POU2F3: variants seen among roughly 807,000 people sequenced by gnomAD.
POU2F3 encodes POU domain, class 2, transcription factor 3.
POU2F3 carries 23 observed loss-of-function variants against 59.2 expected under a neutral mutation model. That is an observed-to-expected ratio of 0.39 (90% CI 0.28 to 0.55). POU2F3 has a LOEUF of 0.55. Ranked by LOEUF, POU2F3 falls within the 20% of genes least tolerant of loss-of-function variation. The pLI, the probability that POU2F3 is intolerant of heterozygous loss-of-function variation, is 0.66. For missense variants in POU2F3, 473 were observed against 544.5 expected, an observed-to-expected ratio of 0.87 and a Z score of 1.31; for synonymous variants, 190 against 214.6, an observed-to-expected ratio of 0.89 and a Z score of 1.00.
intron 2 of POU2F3, among the ~76,000 whole-genome samples, chr11:120,255,308 G>A (rs79988761): frequency 0.081 from 12,383 of 152,170 alleles, 691 homozygotes; most frequent in South Asian, 0.19. Context: ...CCAGTAGGGG[G>A]CTTGCCTTCC....
At chr11:120,296,360 G>A (rs534841192) in intron 3 of POU2F3, among the ~76,000 whole-genome samples, 1 of 152,260 alleles carries the variant, frequency 6.6e-6, no homozygotes, top group South Asian at 2.1e-4. Context: ...ATGTTAGTAG[G>A]ATCTTCCTAA....
intron 2 of POU2F3, among the ~76,000 whole-genome samples, chr11:120,255,450 A>G (rs1430106182): frequency 6.6e-6 from 1 of 152,062 alleles, no homozygotes; most frequent in African/African-American, 2.4e-5. Flanking sequence ...TAGGGCGATG[A>G]TTTCCATACT....
intron 3 of POU2F3, among the ~76,000 whole-genome samples, chr11:120,288,148 A>AAC (rs1555076871): frequency 6.8e-6 from 1 of 146,368 alleles, no homozygotes; most frequent in Non-Finnish European, 1.5e-5. Flanking sequence ...AAAAAAAAAA[A>AAC]CAAGAAAAAA....
intron 3 of POU2F3, among the ~76,000 whole-genome samples, chr11:120,274,687 C>G (rs1478110517): frequency 1.3e-5 from 2 of 152,078 alleles, no homozygotes; most frequent in Non-Finnish European, 2.9e-5. Context: ...ACAGGCAGGA[C>G]TGAAGATGCA....
chr11:120,306,330 G>C (rs192770505), intron 8 of POU2F3, among the ~76,000 whole-genome samples: 104 of 152,280 alleles, frequency 6.8e-4, no homozygotes, highest in African/African-American at 2.3e-3. Context: ...GTGAGGGGTG[G>C]TGGCCGGGAG....
chr11:120,276,188 T>C (rs1940314006), intron 3 of POU2F3, among the ~76,000 whole-genome samples: 1 of 152,130 alleles, frequency 6.6e-6, no homozygotes. Context: ...CCACTGAGCC[T>C]GAGAGAGCAA....
chr11:120,296,846 G>A (rs1358874094), intron 3 of POU2F3, among the ~76,000 whole-genome samples: 1 of 152,156 alleles, frequency 6.6e-6, no homozygotes, highest in Non-Finnish European at 1.5e-5. Flanking sequence ...ATAGTGTTGC[G>A]ATGAACATAA....
intron 10 of POU2F3, among the ~76,000 whole-genome samples, chr11:120,313,385 G>A (rs530901969): frequency 6.6e-6 from 1 of 152,352 alleles, no homozygotes; most frequent in Non-Finnish European, 1.5e-5. Context: ...CCCTCATGAA[G>A]TCTACAGCCT....
chr11:120,271,246 C>G (rs990630657), intron 3 of POU2F3, among the ~76,000 whole-genome samples: 1 of 152,192 alleles, frequency 6.6e-6, no homozygotes, highest in African/African-American at 2.4e-5. Context: ...GGAAGGACTT[C>G]CAGCCAATGC....
intron 2 of POU2F3, among the ~76,000 whole-genome samples, chr11:120,267,859 G>A (rs1308286832): frequency 5.8e-5 from 5 of 86,526 alleles, no homozygotes; most frequent in Non-Finnish European, 1.0e-4. Flanking sequence ...TGGGCTCTGA[G>A]GGTACCGTAT....
At chr11:120,306,515 C>G (rs1170555088) in intron 8 of POU2F3, among the ~76,000 whole-genome samples, 1 of 152,172 alleles carries the variant, frequency 6.6e-6, no homozygotes, top group East Asian at 1.9e-4. Flanking sequence ...TGGTCCCTAC[C>G]TACTAGTTGC....
chr11:120,304,970 AAT>A, intron 6 of POU2F3, 58 bp from the exon 7 acceptor site: 532 of 1,136,978 alleles, frequency 4.7e-4, no homozygotes, highest in Non-Finnish European at 6.0e-4. Context: ...AAAAAAAAAA[AAT>A]CAGAAAATGT....
chr11:120,310,392 GA>G (rs201155650), intron 10 of POU2F3, among the ~76,000 whole-genome samples: 1 of 152,066 alleles, frequency 6.6e-6, no homozygotes. Context: ...CAAGTTTGAG[GA>G]AAAAAACTAA....
chr11:120,266,409 A>G (rs1256503704), intron 2 of POU2F3, among the ~76,000 whole-genome samples: 5 of 152,084 alleles, frequency 3.3e-5, no homozygotes, highest in African/African-American at 1.2e-4. Context: ...TTACCCCTGC[A>G]GGTGTAAAGG....
intron 3 of POU2F3, among the ~76,000 whole-genome samples, chr11:120,277,724 G>A (rs901481493): frequency 6.6e-6 from 1 of 152,204 alleles, no homozygotes; most frequent in Admixed American, 6.5e-5. Flanking sequence ...GGAGGTTGCA[G>A]TGAGCTGAGA....
intron 6 of POU2F3, chr11:120,302,670 C>A: frequency 3.0e-6 from 1 of 329,378 alleles, no homozygotes; most frequent in East Asian, 6.3e-5. Flanking sequence ...CCTCTGAGAG[C>A]CAGGCTCAGC....
chr11:120,288,127 C>CAAA (rs1491240764), intron 3 of POU2F3, among the ~76,000 whole-genome samples: 17 of 7,642 alleles, frequency 2.2e-3, no homozygotes, highest in African/African-American at 5.4e-3. Flanking sequence ...AACAAAAAAA[C>CAAA]CAAAAAAAAA....
At chr11:120,251,036 T>C (rs1399365561) in intron 2 of POU2F3, among the ~76,000 whole-genome samples, 4 of 151,882 alleles carry the variant, frequency 2.6e-5, no homozygotes, top group Non-Finnish European at 5.9e-5. Context: ...AGGGTGATCA[T>C]AGCTCCCCGC....
chr11:120,288,145 A>AAC (rs1555076910), intron 3 of POU2F3, among the ~76,000 whole-genome samples: 1 of 148,258 alleles, frequency 6.7e-6, no homozygotes, highest in Non-Finnish European at 1.5e-5. Flanking sequence ...AAAAAAAAAA[A>AAC]AAACAAGAAA....
Sources: allele counts gnomAD v4.1 joint callset (sites outside exome capture counted in the v4.1 genomes callset), GRCh38; gene constraint gnomAD v4.1.1; transcripts MANE v1.5; gene names NCBI Gene and HGNC (gene_info 2026-07-23, HGNC 2026-07-21).